The following DNAH14 variants were observed in gnomAD, a reference collection of about 807,000 sequenced individuals.
The protein encoded by DNAH14 is axonemal beta dynein heavy chain 14.
Under a neutral mutation model 520.9 loss-of-function variants are expected in DNAH14, and 478 were observed. That is an observed-to-expected ratio of 0.92 (90% CI 0.85 to 0.99). The LOEUF (loss-of-function observed/expected upper bound fraction) is 0.99. DNAH14 is among the 50% of genes least tolerant of loss of function. The pLI is 0.00. For synonymous variants in DNAH14, 1,581 were observed against 1,757.2 expected (o/e 0.90, Z 2.51); for missense variants, 4,831 against 5,234.5 (o/e 0.92, Z 2.38).
intron 1 of DNAH14, among the ~76,000 whole-genome samples, chr1:224,930,690 C>T (rs2058634453): frequency 6.6e-6 from 1 of 152,164 alleles, no homozygotes; most frequent in African/African-American, 2.4e-5. Flanking sequence ...CTCCGCCTCC[C>T]GGGTTCACGC....
intron 40 of DNAH14, 85 bp from the exon 41 acceptor site, chr1:225,206,883 G>A: frequency 8.4e-7 from 1 of 1,184,394 alleles, no homozygotes; most frequent in Non-Finnish European, 1.1e-6. Context: ...GAGGGCAGTG[G>A]TGAAGTAAAA....
chr1:225,213,836 A>T (rs947312186), intron 41 of DNAH14, among the ~76,000 whole-genome samples: 1 of 152,098 alleles, frequency 6.6e-6, no homozygotes, highest in African/African-American at 2.4e-5. Flanking sequence ...CTAGATATAC[A>T]CTCATGTCAT....
In DNAH14 at chr1:225,307,453, T is replaced by C. The variant is rs2094269857; in HGVS notation, c.9006-8T>C. 2 of 1,517,694 alleles carry C rather than the reference T, an allele frequency of 1.3e-6. No individual in the cohort carries two copies. The highest frequency in any genetic ancestry group is 1.8e-6 in the Non-Finnish European group (2 of 1,130,610). The allele number at this position is 1,517,694 out of a possible 1,614,324, so 94.0% of individuals were successfully genotyped here. On this transcript the variant is annotated splice_region_variant and splice_polypyrimidine_tract_variant and intron_variant, in intron 58 of 85. Transcript: ENST00000682510. Reference sequence around the variant, plus strand: ...CTTACACCTTCTTAATACTTTTTCTTCCTTCAGGGATCGCTTCCATATGGG... The same window carrying C: ...CTTACACCTTCTTAATACTTTTTCTCCCTTCAGGGATCGCTTCCATATGGG...
At position 225,079,544 on chromosome 1, in the gene DNAH14, C is replaced by G. The variant is rs1256229726; in HGVS notation, c.2762C>G (p.Ala921Gly). 1.3e-6 allele frequency: 2 copies of G among 1,501,230 alleles called. No homozygotes were observed. Among genetic ancestry groups the G allele is most frequent in the Non-Finnish European group, 1.8e-6 (2 of 1,133,130 alleles). 93.0% of individuals were successfully genotyped at this position (1,501,230 alleles called of 1,614,324 possible). Residue 921 changes from alanine to glycine, a missense_variant, in exon 18 of 86, where the codon GCC becomes GGC. Ala to Gly is a moderately conservative substitution (Grantham distance 60). Transcript: ENST00000682510. ...GLHVDVGNLKAKIRTPLLLCA... is the reference protein window; with the variant it reads ...GLHVDVGNLKGKIRTPLLLCA... ...CATGTTGATGTTGGCAATTTAAAAGCCAAGGTAAGTTTTTAGGGTTTTTTT... is the reference window on the plus strand; with the variant it reads ...CATGTTGATGTTGGCAATTTAAAAGGCAAGGTAAGTTTTTAGGGTTTTTTT...
chr1:225,380,111 C>A, intron 79 of DNAH14, 48 bp from the exon 80 acceptor site: 1 of 1,513,528 alleles, frequency 6.6e-7, no homozygotes, highest in Non-Finnish European at 8.9e-7. Flanking sequence ...CTCCCCATCT[C>A]CCCACTTCCT....
At chr1:225,385,290 C>G (rs1223838541) in intron 81 of DNAH14, among the ~76,000 whole-genome samples, 2 of 152,126 alleles carry the variant, frequency 1.3e-5, no homozygotes, top group East Asian at 3.8e-4. Context: ...TGGGCAAAAA[C>G]TGGAAGCATT....
intron 17 of DNAH14, among the ~76,000 whole-genome samples, chr1:225,053,149 G>A (rs1235120306): frequency 6.6e-6 from 1 of 152,130 alleles, no homozygotes; most frequent in Non-Finnish European, 1.5e-5. Context: ...GAGAACAGTA[G>A]TCTTTTAACT....
chr1:225,296,804 T>C (rs2094019249), intron 55 of DNAH14, among the ~76,000 whole-genome samples: 1 of 152,182 alleles, frequency 6.6e-6, no homozygotes. Flanking sequence ...GACTATCTCA[T>C]CCTATTCTCT....
intron 65 of DNAH14, among the ~76,000 whole-genome samples, chr1:225,332,316 A>G (rs2094815440): frequency 1.3e-5 from 2 of 152,234 alleles, no homozygotes; most frequent in Admixed American, 1.3e-4. Context: ...ATAGCTCTCA[A>G]AAGCAGATGG....
Position 225,181,922 on chromosome 1 carries a change from C to T in DNAH14, c.5536-3369C>T, listed in dbSNP as rs116730314. 4.7e-3 allele frequency among the ~76,000 whole-genome samples: 716 copies of T among 152,288 alleles called. 4 individuals carry two copies. Among genetic ancestry groups the T allele is most frequent in the African/African-American group, 0.016 (671 of 41,570 alleles). On this transcript the variant is annotated intron_variant, in intron 36 of 85. Transcript: ENST00000682510. ...ATAAATCAGGCTGGGTGCAGTGGCTCATGCCTGAAACCCCAGCACTTGGGG... is the reference window on the plus strand; with the variant it reads ...ATAAATCAGGCTGGGTGCAGTGGCTTATGCCTGAAACCCCAGCACTTGGGG...
chr1:225,171,180 A>G (rs2082605628), intron 36 of DNAH14, among the ~76,000 whole-genome samples: 1 of 152,194 alleles, frequency 6.6e-6, no homozygotes, highest in South Asian at 2.1e-4. Context: ...AGGATCTAAA[A>G]TTGACACCCT....
At chr1:225,049,047 ATTTTTTTTTT>A (rs71170051) in intron 15 of DNAH14, among the ~76,000 whole-genome samples, 4 of 56,278 alleles carry the variant, frequency 7.1e-5, no homozygotes, top group African/African-American at 3.3e-4. Flanking sequence ...TCTCTTGCCT[ATTTTTTTTTT>A]TTTTTTTTTT....
At chr1:225,334,378 C>CTA (rs2094867361) in intron 66 of DNAH14, among the ~76,000 whole-genome samples, 1 of 152,158 alleles carries the variant, frequency 6.6e-6, no homozygotes, top group African/African-American at 2.4e-5. Context: ...CATCCTAAGC[C>CTA]TAAGCCACTT....
At chr1:225,030,433 T>C (rs1357173762) in intron 11 of DNAH14, among the ~76,000 whole-genome samples, 2 of 151,968 alleles carry the variant, frequency 1.3e-5, no homozygotes, top group African/African-American at 4.8e-5. Context: ...GGGCTTTTGG[T>C]TTCCGATCTA....
intron 11 of DNAH14, among the ~76,000 whole-genome samples, chr1:225,035,508 TG>T (rs1553397729): frequency 7.4e-6 from 1 of 135,764 alleles, no homozygotes. Flanking sequence ...AGTTTTTTTT[TG>T]TTTTTTTTTG....
rs1334852057 is a variant in DNAH14 at position 225,335,477 on chromosome 1, A to G, written c.10081-1789A>G. ...TATGCACGTGTGTACATGTGTGTGT[A>G]TGCACATATACACGTGTGTACATGT... On this transcript the variant is annotated intron_variant, in intron 66 of 85. Transcript: ENST00000682510. Among the ~76,000 whole-genome samples, 15 of 144,334 alleles carry G rather than the reference A, an allele frequency of 1.0e-4. 1 individual carries two copies. The highest frequency in any genetic ancestry group is 8.5e-4 in the South Asian group (4 of 4,680). The allele number at this position is 144,334 out of a possible 152,430, so 94.7% of individuals were successfully genotyped here. A position where few individuals can be genotyped will look rare whatever the true frequency, so the allele number is the denominator to read the frequency against.
At chr1:225,073,732 C>T (rs1300396767) in intron 17 of DNAH14, among the ~76,000 whole-genome samples, 4 of 152,126 alleles carry the variant, frequency 2.6e-5, no homozygotes, top group Non-Finnish European at 5.9e-5. Context: ...TGTCACCAGG[C>T]TGGAGTGCAG....
At position 225,152,763 on chromosome 1, in the gene DNAH14, G is replaced by GC. The variant is rs1246461938; in HGVS notation, c.5080dup (p.His1694ProfsTer7). On this transcript the variant is annotated frameshift_variant, in exon 33 of 86. Coordinates refer to ENST00000682510, the MANE Select transcript of DNAH14 (RefSeq NM_001367479.1). LOFTEE classifies it high-confidence loss of function. ...TGTTTCGCCCAGTGGCAATGATGGT[G>GC]CCCCATTATCAAATGATTGCTGAAA... The GC allele has an allele frequency of 6.4e-7, 1 of 1,551,194 alleles. No homozygotes were observed. The highest frequency in any genetic ancestry group is 1.4e-5 in the African/African-American group (1 of 73,000).
chr1:225,243,067 G>A (rs560190908), intron 43 of DNAH14, among the ~76,000 whole-genome samples: 68 of 152,214 alleles, frequency 4.5e-4, no homozygotes, highest in African/African-American at 1.6e-3. Flanking sequence ...AAAGCATTGC[G>A]TGTTAATTTG....
Sources: allele counts gnomAD v4.1 joint callset (sites outside exome capture counted in the v4.1 genomes callset), GRCh38; gene constraint gnomAD v4.1.1; transcripts MANE v1.5; gene names NCBI Gene and HGNC (gene_info 2026-07-23, HGNC 2026-07-21).